The following MYSM1 variants were observed in gnomAD, a reference collection of about 807,000 sequenced individuals.
MYSM1 encodes the protein Myb like, SWIRM and MPN domains 1.
Under a neutral mutation model 116.0 loss-of-function variants are expected in MYSM1, and 51 were observed. That is an observed-to-expected ratio of 0.44 (90% CI 0.35 to 0.56). The LOEUF is 0.56. MYSM1 is among the 20% of genes least tolerant of loss of function. The pLI is 0.00. For synonymous variants in MYSM1, 313 were observed against 315.2 expected (o/e 0.99, Z 0.07); for missense variants, 900 against 974.9 (o/e 0.92, Z 1.02).
chr1:58,695,301 ACTAAGCAAATACTTAGTTC>A, intron 1 of MYSM1, 94 bp from the exon 2 acceptor site: 1 of 727,840 alleles, frequency 1.4e-6, no homozygotes, highest in Non-Finnish European at 2.3e-6. Context: ...TAGTAAGGGA[ACTAAGCAAATACTTAGTTC>A]CCTTCTCCCC....
chr1:58,686,566 T>G (rs1328656288), intron 6 of MYSM1, among the ~76,000 whole-genome samples: 1 of 152,230 alleles, frequency 6.6e-6, no homozygotes. Flanking sequence ...CTGATACTCA[T>G]TAGAAAATAT....
chr1:58,690,281 C>T lies in MYSM1; in HGVS notation c.297-32G>A, dbSNP rs767318721. On this transcript the variant is annotated intron_variant, in intron 4 of 19. Transcript: ENST00000472487. ...CACATGAAAAAAGAAAATAAGGAAG[C>T]GTGTGAGGTTTCTAAAACTACAATC... The T allele has an allele frequency of 1.1e-5, 18 of 1,580,920 alleles. No individual in the cohort carries two copies. In the Middle Eastern group the frequency reaches 5.1e-4, roughly 45 times the overall value.
intron 13 of MYSM1, 79 bp from the exon 14 acceptor site, chr1:58,668,761 T>C (rs1227004173): frequency 1.5e-5 from 19 of 1,294,142 alleles, no homozygotes; most frequent in Non-Finnish European, 2.1e-5. Flanking sequence ...ATGCCCACCC[T>C]GTTCTCCTTT....
intron 1 of MYSM1, among the ~76,000 whole-genome samples, chr1:58,696,173 A>G (rs1557528623): frequency 6.6e-6 from 1 of 152,218 alleles, no homozygotes; most frequent in Non-Finnish European, 1.5e-5. Flanking sequence ...GGCTACCAGG[A>G]AGGGTAAATA....
chr1:58,658,612 C>CAAAA lies in MYSM1; in HGVS notation c.*1381_*1384dup, dbSNP rs924103173. On this transcript the variant is annotated 3_prime_UTR_variant, in exon 20 of 20. Transcript: ENST00000472487. ...CATTGGCTATTGATTACAAACAAAG[C>CAAAA]AAAATATAGAATCAATCTGATTTAG... is the stretch of plus-strand genomic sequence containing the variant. The CAAAA allele has an allele frequency of 1.3e-5, 2 of 151,942 alleles. No individual in the cohort carries two copies. The highest frequency in any genetic ancestry group is 4.8e-5 in the African/African-American group (2 of 41,378). The allele number at this position is 151,942 out of a possible 1,614,324, so 9.4% of individuals were successfully genotyped here.
Position 58,685,182 on chromosome 1 carries a change from T to A in MYSM1, c.469A>T (p.Ser157Cys), listed in dbSNP as rs1351640447. ...TTTTTAAAATACTGTCTTGCATAAC[T>A]CTTCACTTGTAAAACAGTGCGGCTT... ...IGSRTVLQVK[S>C]YARQYFKNKV... The change falls in exon 7 of 20, where the codon AGT becomes TGT. Residue 157 changes from serine (S) to cysteine (C), a missense_variant. Transcript: ENST00000472487. 4 of 1,607,122 alleles carry A rather than the reference T, an allele frequency of 2.5e-6. No homozygotes were observed. In the South Asian group the frequency reaches 4.5e-5, roughly 18 times the overall value.
intron 1 of MYSM1, among the ~76,000 whole-genome samples, chr1:58,697,990 A>G (rs1332886425): frequency 2.0e-5 from 3 of 149,492 alleles, no homozygotes; most frequent in Non-Finnish European, 4.4e-5. Context: ...CACAGATGCT[A>G]TAATATCAAC....
chr1:58,699,552 T>G, intron 1 of MYSM1: 2 of 847,550 alleles, frequency 2.4e-6, no homozygotes, highest in African/African-American at 1.8e-5. Flanking sequence ...ACTATCCCCA[T>G]GTGGAAGAAG....
At position 58,661,416 on chromosome 1, in the gene MYSM1, G is replaced by C; in HGVS notation, c.2260C>G (p.Leu754Val). The C allele has an allele frequency of 6.4e-7, 1 of 1,566,490 alleles. No homozygotes were observed. Among genetic ancestry groups the C allele is most frequent in the South Asian group, 1.1e-5 (1 of 90,012 alleles). Residue 754 changes from leucine to valine, a missense_variant, in exon 18 of 20, where the codon CTC becomes GTC. Coordinates refer to ENST00000472487, the MANE Select transcript of MYSM1 (RefSeq NM_001085487.3). ...AACCACAGTACATACCTATGGGAGA[G>C]CCTGTATTTTTCTATTATCCATCTT... ...KTRWIIEKYRLSHSSVPMDKI... is the reference protein window; with the variant it reads ...KTRWIIEKYRVSHSSVPMDKI...
Position 58,682,176 on chromosome 1 carries a change from A to C in MYSM1, c.868T>G (p.Ser290Ala). ...LQNEKQDETL[S>A]SSEITLWTEK... ...GTCCACAGTGTAATTTCTGAGCTTGAAAGTGTTTCATCTTGCTTTTCATTT... is the reference window on the plus strand; with the variant it reads ...GTCCACAGTGTAATTTCTGAGCTTGCAAGTGTTTCATCTTGCTTTTCATTT... Residue 290 changes from serine (S) to alanine (A), a missense_variant, in exon 8 of 20, where the codon TCA (serine) becomes GCA (alanine). Ser to Ala is a moderately conservative substitution (Grantham distance 99). Transcript: ENST00000472487. 2 of 1,612,808 alleles carry C rather than the reference A, an allele frequency of 1.2e-6. No individual in the cohort carries two copies. The highest frequency in any genetic ancestry group is 1.3e-5 in the African/African-American group (1 of 74,996).
chr1:58,668,762 G>A (rs1364494960), intron 13 of MYSM1, 80 bp from the exon 14 acceptor site: 1 of 1,292,424 alleles, frequency 7.7e-7, no homozygotes, highest in African/African-American at 1.5e-5. Context: ...TGCCCACCCT[G>A]TTCTCCTTTA....
intron 5 of MYSM1, 88 bp from the exon 6 acceptor site, chr1:58,689,204 C>G: frequency 1.1e-6 from 1 of 930,048 alleles, no homozygotes. Flanking sequence ...TAGCCATGGG[C>G]TAAATTCAAT....
At chr1:58,665,668 T>C (rs1172584737) in intron 16 of MYSM1, 37 bp from the exon 17 acceptor site, 5 of 1,365,634 alleles carry the variant, frequency 3.7e-6, no homozygotes, top group South Asian at 2.6e-5. Context: ...GTTTCAACTA[T>C]ATAAATTCAA....
rs755332176 is a variant in MYSM1 at position 58,682,357 on chromosome 1, C to T, written c.687G>A (p.Val229=). ...GGGGTGTTTGAGAAGACAACTCGTC[C>T]ACCTCATCTGTGATGTCTACTTCTT... The part of the protein sequence containing the change: ...DDEEVDITDE[V]DELSSQTPQK... Residue 229 remains valine, a synonymous_variant, in exon 8 of 20, where the codon GTG becomes GTA. Transcript: ENST00000472487. 1 of 1,614,058 alleles carries T rather than the reference C, an allele frequency of 6.2e-7. No homozygotes were observed. Among genetic ancestry groups the T allele is most frequent in the Non-Finnish European group, 8.5e-7 (1 of 1,179,992 alleles).
chr1:58,664,915 C>T (rs2100595454), intron 17 of MYSM1, among the ~76,000 whole-genome samples: 1 of 152,306 alleles, frequency 6.6e-6, no homozygotes, highest in Admixed American at 6.5e-5. Flanking sequence ...GCCACACTCC[C>T]TTCCTTTTCC....
rs754532812 is a variant in MYSM1, at chr1:58,685,290, A to G, written c.400-39T>C. On this transcript the variant is annotated intron_variant, in intron 6 of 19. Transcript: ENST00000472487. ...ATGGGAAAAAAAATTGCTTTTGATG[A>G]ATTTACTTAAGAATAGTCCAAGCCA... 4.1e-6 allele frequency: 6 copies of G among 1,456,444 alleles called. No individual in the cohort carries two copies. The African/African-American group carries it at 8.6e-5, about 21-fold the overall frequency. The allele number at this position is 1,456,444 out of a possible 1,614,324, so 90.2% of individuals were successfully genotyped here. A position where few individuals can be genotyped will look rare whatever the true frequency, so the allele number is the denominator to read the frequency against.
intron 9 of MYSM1, 146 bp from the exon 10 acceptor site, chr1:58,675,726 C>G (rs1481373445): frequency 1.9e-6 from 1 of 536,946 alleles, no homozygotes; most frequent in Non-Finnish European, 3.3e-6. Flanking sequence ...GAGCACCCCT[C>G]AAATTAAAAG....
chr1:58,683,817 A>ATAT (rs1644784036), intron 7 of MYSM1, among the ~76,000 whole-genome samples: 2 of 152,092 alleles, frequency 1.3e-5, no homozygotes, highest in African/African-American at 2.4e-5. Flanking sequence ...AGCTTTTAAC[A>ATAT]TCCCTGCTAT....
chr1:58,669,879 TAAAAAGAGGTG>T (rs779217616), intron 12 of MYSM1, among the ~76,000 whole-genome samples: 37 of 80,906 alleles, frequency 4.6e-4, no homozygotes, highest in Middle Eastern at 0.014. Context: ...AGTGAAAAAG[TAAAAAGAGGTG>T]AAAAAGAGAG....
Sources: gnomAD v4.1 joint callset for allele counts (sites outside exome capture counted in the v4.1 genomes callset) on GRCh38, gnomAD v4.1.1 for gene constraint, MANE v1.5 for transcripts, NCBI Gene and HGNC (gene_info 2026-07-23, HGNC 2026-07-21) for gene names.